Variants in ZNF142 observed in about 807,000 individuals in gnomAD.
The protein encoded by ZNF142 is zinc finger protein 142.
A neutral mutation model predicts 132.1 loss-of-function variants in ZNF142; 96 were observed. That is an observed-to-expected ratio of 0.73 (90% CI 0.62 to 0.86). The LOEUF is 0.86. Ranked by LOEUF, ZNF142 falls within the 40% of genes least tolerant of loss-of-function variation. The pLI is 0.00. For missense variants in ZNF142, 2,163 were observed against 2,336.2 expected, an observed-to-expected ratio of 0.93 and a Z score of 1.53; for synonymous variants, 842 against 890.1, an observed-to-expected ratio of 0.95 and a Z score of 0.96.
chr2:218,642,839 C>T lies in ZNF142; in HGVS notation c.4277G>A (p.Gly1426Asp). ...GGGGCAAGAGCTGCAGGGGATGCGG[C>T]CAATGCCTGTGTGTCGGGACTGGTG... ...EAHQSRHTGIGRIPCSSCPQT... is the reference protein window; with the variant it reads ...EAHQSRHTGIDRIPCSSCPQT... The change falls in exon 9 of 11, where the codon GGC (glycine) becomes GAC (aspartate). Residue 1426 changes from glycine to aspartate, a missense_variant. Gly to Asp is a moderately conservative substitution (Grantham distance 94, BLOSUM62 -1). Around this residue, in one of 7 missense-constraint regions of ZNF142, gnomAD observed 809 missense variants for 801.7 expected, o/e 1.01. Transcript: ENST00000411696. This position sits in a 1 kb window ranked among gnomAD's most constrained non-coding sequence, Gnocchi z 4.6. 1 of 1,614,182 alleles carries T rather than the reference C, an allele frequency of 6.2e-7. No individual in the cohort carries two copies. Among genetic ancestry groups the T allele is most frequent in the Non-Finnish European group, 8.5e-7 (1 of 1,180,048 alleles).
chr2:218,643,415 A>G lies in ZNF142; in HGVS notation c.3701T>C (p.Leu1234Pro). The change falls in exon 9 of 11, where the codon CTT becomes CCT. Residue 1234 changes from leucine to proline, a missense_variant. This residue lies in a region of ZNF142 where 809 missense variants were observed against 801.7 expected (regional missense o/e 1.01). Transcript: ENST00000411696. The part of the protein sequence containing the change: ...GKFHCNSCPF[L>P]CSRLSSITSH... ...GGTAATAGAGGAGAGCCGGGAACAA[A>G]GGAATGGGCAGGAGTTGCAGTGAAA... 6.2e-7 allele frequency: 1 copy of G among 1,614,188 alleles called. No homozygotes were observed. The highest frequency in any genetic ancestry group is 8.5e-7 in the Non-Finnish European group (1 of 1,180,032).
In ZNF142 at chr2:218,648,961, A is replaced by G. The variant is rs1206237509; in HGVS notation, c.1547T>C (p.Val516Ala). 2 of 1,612,530 alleles carry G rather than the reference A, an allele frequency of 1.2e-6. No individual in the cohort carries two copies. The highest frequency in any genetic ancestry group is 1.1e-5 in the South Asian group (1 of 91,080). Residue 516 changes from valine (V) to alanine (A), a missense_variant, in exon 7 of 11, where the codon GTG (valine) becomes GCG (alanine). Transcript: ENST00000411696. ...GGGACATGAGTGATGGCGGCACTCC[A>G]CAGCCCGCACCCCATGGGTCTCCTT... The part of the protein sequence containing the change: ...HLKETHGVRA[V>A]ECRHHSCPML...
Position 218,656,467 on chromosome 2 carries a change from AC to A in ZNF142, c.-34-5del, listed in dbSNP as rs1318578170. On this transcript the variant is annotated splice_polypyrimidine_tract_variant and splice_region_variant and intron_variant, in intron 3 of 10. Transcript: ENST00000411696. Reference sequence around the variant, plus strand: ...GTGTGTTTTGGCTTCTTAAATGCTGACAAGCCAACCAGAAGAAAAACAAAGT... The same window carrying A: ...GTGTGTTTTGGCTTCTTAAATGCTGAAAGCCAACCAGAAGAAAAACAAAGT... 7.0e-7 allele frequency: 1 copy of A among 1,425,270 alleles called. No homozygotes were observed. Among genetic ancestry groups the A allele is most frequent in the Admixed American group, 2.6e-5 (1 of 38,050 alleles). The allele number at this position is 1,425,270 out of a possible 1,614,324, so 88.3% of individuals were successfully genotyped here. A position where few individuals can be genotyped will look rare whatever the true frequency, so the allele number is the denominator to read the frequency against.
intron 7 of ZNF142, 109 bp downstream of exon 7, chr2:218,648,526 T>G: frequency 9.5e-7 from 1 of 1,054,482 alleles, no homozygotes; most frequent in Non-Finnish European, 1.4e-6. Context: ...ATGCTAGATC[T>G]ATCTCTAGGA....
At chr2:218,657,832 A>C (rs1938682522) in intron 3 of ZNF142, among the ~76,000 whole-genome samples, 1 of 152,234 alleles carries the variant, frequency 6.6e-6, no homozygotes, top group South Asian at 2.1e-4. Context: ...TTTACCTGTC[A>C]GTCTCTCTCC....
At chr2:218,650,872 G>A (rs1000653795) in intron 5 of ZNF142, among the ~76,000 whole-genome samples, 3 of 152,174 alleles carry the variant, frequency 2.0e-5, no homozygotes, top group South Asian at 2.1e-4. Flanking sequence ...CTCCTGGCCC[G>A]TTTTCTCTGT....
Position 218,634,327 on chromosome 2 carries a change from C to G in ZNF142, c.*4012G>C. The G allele has an allele frequency of 6.4e-7, 1 of 1,569,582 alleles. No individual in the cohort carries two copies. Among genetic ancestry groups the G allele is most frequent in the Non-Finnish European group, 8.6e-7 (1 of 1,156,202 alleles). Reference sequence around the variant, plus strand: ...GGGAATGCTCAAGAAAATTGCTAGGCTGAGAAATGCTATCAGTGGATATTA... The same window carrying G: ...GGGAATGCTCAAGAAAATTGCTAGGGTGAGAAATGCTATCAGTGGATATTA... On this transcript the variant is annotated 3_prime_UTR_variant, in exon 11 of 11. Coordinates refer to ENST00000411696, the MANE Select transcript of ZNF142 (RefSeq NM_001379659.1). This position sits in a 1 kb window ranked among gnomAD's most constrained non-coding sequence, Gnocchi z 4.0.
At chr2:218,639,912 C>T (rs1316537915) in intron 10 of ZNF142, among the ~76,000 whole-genome samples, 11 of 147,996 alleles carry the variant, frequency 7.4e-5, no homozygotes, top group East Asian at 2.0e-4. Context: ...AAAACTTAGC[C>T]GGGCGTGGTG....
Position 218,635,758 on chromosome 2 carries a change from G to C in ZNF142, c.*2581C>G, listed in dbSNP as rs775600840. ...GAGTAGGGTCGGGTGGGGCTGGGCT[G>C]AGCAGGAACTTGTGAGATTCCAGAG... On this transcript the variant is annotated 3_prime_UTR_variant, in exon 11 of 11. Coordinates refer to ENST00000411696, the MANE Select transcript of ZNF142 (RefSeq NM_001379659.1). The C allele has an allele frequency of 4.4e-6, 7 of 1,598,866 alleles. No homozygotes were observed. In the South Asian group the frequency reaches 7.9e-5, roughly 18 times the overall value.
In ZNF142 at chr2:218,644,133, G is replaced by C; in HGVS notation, c.2983C>G (p.Pro995Ala). 6.2e-7 allele frequency: 1 copy of C among 1,614,088 alleles called. No homozygotes were observed. Among genetic ancestry groups the C allele is most frequent in the Non-Finnish European group, 8.5e-7 (1 of 1,180,008 alleles). The change falls in exon 9 of 11, where the codon CCC becomes GCC. Residue 995 changes from proline to alanine, a missense_variant. Coordinates refer to ENST00000411696, the MANE Select transcript of ZNF142 (RefSeq NM_001379659.1). This position sits in a 1 kb window ranked among gnomAD's most constrained non-coding sequence, Gnocchi z 4.6. ...AATGACTCTGACTCAGGTAATGGGG[G>C]CAAGGGTGCTGTCTCAGCAGGTGGA... is the stretch of plus-strand genomic sequence containing the variant. ...TTPPAETAPL[P>A]PLPESESLLK...
chr2:218,640,456 G>A (rs1308262968), intron 10 of ZNF142, among the ~76,000 whole-genome samples: 1 of 152,180 alleles, frequency 6.6e-6, no homozygotes. Context: ...AAGTACATAT[G>A]CCCAGGCTCT....
At chr2:218,641,240 A>G (rs1349269291) in intron 9 of ZNF142, among the ~76,000 whole-genome samples, 1 of 120,546 alleles carries the variant, frequency 8.3e-6, no homozygotes, top group Non-Finnish European at 1.7e-5. Context: ...CACCTGGCCG[A>G]TAATTTTTTT....
intron 5 of ZNF142, among the ~76,000 whole-genome samples, chr2:218,651,261 CA>C (rs1268095132): frequency 6.6e-6 from 1 of 152,204 alleles, no homozygotes; most frequent in Non-Finnish European, 1.5e-5. Context: ...GGATCACAGG[CA>C]TGTGCCACAG....
In ZNF142 at chr2:218,638,103, T is replaced by C. The variant is rs1559282326; in HGVS notation, c.*236A>G. The C allele has an allele frequency of 2.6e-6, 1 of 377,976 alleles. No individual in the cohort carries two copies. Among genetic ancestry groups the C allele is most frequent in the South Asian group, 1.4e-4 (1 of 7,036 alleles). The allele number at this position is 377,976 out of a possible 1,614,324, so 23.4% of individuals were successfully genotyped here. ...GAGTGATGGTGAAGAAACTGAGAAC[T>C]TGCAGGTTAAAAACGCAATGTACAG... On this transcript the variant is annotated 3_prime_UTR_variant, in exon 11 of 11. Coordinates refer to ENST00000411696, the MANE Select transcript of ZNF142 (RefSeq NM_001379659.1).
intron 4 of ZNF142, among the ~76,000 whole-genome samples, chr2:218,655,847 C>T (rs763993918): frequency 9.2e-5 from 14 of 152,092 alleles, no homozygotes; most frequent in Non-Finnish European, 2.1e-4. Context: ...TCTCCAAGGA[C>T]TGTAAGAGTA....
Position 218,643,039 on chromosome 2 carries a change from G to A in ZNF142, c.4077C>T (p.Pro1359=), listed in dbSNP as rs762631059. Residue 1359 remains proline (P), a synonymous_variant, in exon 9 of 11, where the codon CCC becomes CCT. Transcript: ENST00000411696. ...GGGGCCCACGGGCTGGGGCTGCAGT[G>A]GGGTGCCTCCGCTTCTGGTGGAGCC... is the stretch of plus-strand genomic sequence containing the variant. The part of the protein sequence containing the change: ...ALRLHQKRRH[P]TAAPARGPRP... 2 of 1,599,150 alleles carry A rather than the reference G, an allele frequency of 1.3e-6. No homozygotes were observed. The highest frequency in any genetic ancestry group is 1.7e-6 in the Non-Finnish European group (2 of 1,172,102).
chr2:218,644,894 G>T lies in ZNF142; in HGVS notation c.2222C>A (p.Ala741Asp). Residue 741 changes from alanine (A) to aspartate (D), a missense_variant, in exon 9 of 11, where the codon GCC (alanine) becomes GAC (aspartate). By Grantham distance (126) the Ala-to-Asp change is moderately radical. Coordinates refer to ENST00000411696, the MANE Select transcript of ZNF142 (RefSeq NM_001379659.1). This position sits in a 1 kb window ranked among gnomAD's most constrained non-coding sequence, Gnocchi z 4.6. ...GCAGTAGTGGCAAGGGTAGAGTGGGGCCGGTGTGCCAGGGTGGTGCTGGGA... is the reference window on the plus strand; with the variant it reads ...GCAGTAGTGGCAAGGGTAGAGTGGGTCCGGTGTGCCAGGGTGGTGCTGGGA... ...MASQHHPGTP[A>D]PLYPCHYCSY... is the part of the protein sequence containing the mutation. The T allele has an allele frequency of 6.2e-7, 1 of 1,614,092 alleles. No homozygotes were observed. The highest frequency in any genetic ancestry group is 1.6e-4 in the Middle Eastern group (1 of 6,062).
chr2:218,651,693 C>T lies in ZNF142; in HGVS notation c.880+8G>A. ...AGGAGAGGAACTGCTTGGCCCTTGG[C>T]CTCATACCTGGCAGCAGCTCCTGGG... On this transcript the variant is annotated splice_region_variant and intron_variant, in intron 5 of 10. Coordinates refer to ENST00000411696, the MANE Select transcript of ZNF142 (RefSeq NM_001379659.1). The T allele has an allele frequency of 7.8e-7, 1 of 1,276,218 alleles. No homozygotes were observed. The highest frequency in any genetic ancestry group is 1.3e-5 in the South Asian group (1 of 78,406). 79.1% of individuals were successfully genotyped at this position (1,276,218 alleles called of 1,614,324 possible). A position where few individuals can be genotyped will look rare whatever the true frequency, so the allele number is the denominator to read the frequency against.
In ZNF142 at chr2:218,649,347, T is replaced by C. The variant is rs779404509; in HGVS notation, c.1161A>G (p.Pro387=). The change falls in exon 7 of 11, where the codon CCA becomes CCG. Residue 387 remains proline (P), a synonymous_variant. Coordinates refer to ENST00000411696, the MANE Select transcript of ZNF142 (RefSeq NM_001379659.1). ...HLVEHLHLHF[P]DPSLQCPNCQ... Reference sequence around the variant, plus strand: ...AGTTAGGGCACTGGAGGCTGGGGTCTGGGAAGTGGAGATGCAGGTGCTCCA... The same window carrying C: ...AGTTAGGGCACTGGAGGCTGGGGTCCGGGAAGTGGAGATGCAGGTGCTCCA... The C allele has an allele frequency of 6.2e-7, 1 of 1,614,202 alleles. No individual in the cohort carries two copies. Among genetic ancestry groups the C allele is most frequent in the Non-Finnish European group, 8.5e-7 (1 of 1,180,026 alleles).
Sources: gnomAD v4.1 joint callset for allele counts (sites outside exome capture counted in the v4.1 genomes callset) on GRCh38, gnomAD v4.1.1 for gene constraint, gnomAD v4.1.1 regional missense constraint, Gnocchi (gnomAD v3.1) non-coding constraint, MANE v1.5 for transcripts, NCBI Gene and HGNC (gene_info 2026-07-23, HGNC 2026-07-21) for gene names.